The following DPYSL2 variants were observed in gnomAD, a reference collection of about 807,000 sequenced individuals.
DPYSL2 encodes dihydropyrimidinase like 2.
In DPYSL2, 13 loss-of-function variants were observed where a neutral mutation model predicts 69.9. The observed-to-expected ratio is 0.19, with a 90% confidence interval of 0.12 to 0.30. DPYSL2 has a LOEUF of 0.30. Ranked by LOEUF, DPYSL2 falls within the 10% of genes least tolerant of loss-of-function variation. DPYSL2 has a pLI of 1.00. For missense variants in DPYSL2, 587 were observed against 918.9 expected, an observed-to-expected ratio of 0.64 and a Z score of 4.67; for synonymous variants, 326 against 359.1, an observed-to-expected ratio of 0.91 and a Z score of 1.04.
intron 3 of DPYSL2, among the ~76,000 whole-genome samples, chr8:26,623,576 A>G (rs1802546777): frequency 6.6e-6 from 1 of 152,206 alleles, no homozygotes; most frequent in African/African-American, 2.4e-5. Context: ...CCATAGTAAT[A>G]TAACAATGAC....
At chr8:26,579,676 A>G (rs1801442125) in intron 1 of DPYSL2, among the ~76,000 whole-genome samples, 1 of 152,122 alleles carries the variant, frequency 6.6e-6, no homozygotes, top group South Asian at 2.1e-4. Flanking sequence ...ATTTTCTAGG[A>G]TGATCTGAAG....
intron 11 of DPYSL2, among the ~76,000 whole-genome samples, chr8:26,649,125 G>A (rs1803231404): frequency 6.6e-6 from 1 of 152,176 alleles, no homozygotes; most frequent in Non-Finnish European, 1.5e-5. Flanking sequence ...TAAAGGGACT[G>A]GTATTATTAT....
At chr8:26,638,273 A>T (rs2129954525) in intron 8 of DPYSL2, among the ~76,000 whole-genome samples, 1 of 152,332 alleles carries the variant, frequency 6.6e-6, no homozygotes, top group Non-Finnish European at 1.5e-5. Flanking sequence ...GGAGAGGTTG[A>T]GCCCAGAAGG....
chr8:26,616,547 G>A (rs1002078907), intron 3 of DPYSL2, among the ~76,000 whole-genome samples: 1 of 152,234 alleles, frequency 6.6e-6, no homozygotes, highest in African/African-American at 2.4e-5. Flanking sequence ...GAATGGTGCT[G>A]GAGAATGAGG....
At position 26,533,882 on chromosome 8, in the gene DPYSL2, A is replaced by C. The variant is rs1467401053; in HGVS notation, c.354+19203A>C. Among the ~76,000 whole-genome samples, 1 of 152,200 alleles carries C rather than the reference A, an allele frequency of 6.6e-6. No homozygotes were observed. Among genetic ancestry groups the C allele is most frequent in the East Asian group, 1.9e-4 (1 of 5,186 alleles). ...AACCCAGTGACAGCCTAGTGACAAG[A>C]GGGTCTTAATTAATGCAACTGAAAA... On this transcript the variant is annotated intron_variant, in intron 1 of 13. Coordinates refer to ENST00000521913, the MANE Select transcript of DPYSL2 (RefSeq NM_001197293.3). The surrounding 1 kb of genome is among the most constrained non-coding windows in gnomAD (Gnocchi z 4.8).
intron 8 of DPYSL2, among the ~76,000 whole-genome samples, chr8:26,635,829 G>A (rs1345542658): frequency 3.3e-5 from 5 of 151,960 alleles, no homozygotes; most frequent in Non-Finnish European, 7.4e-5. Context: ...CAGTCCCTCT[G>A]TCATTCTCTC....
chr8:26,618,922 C>T (rs952453693), intron 3 of DPYSL2, among the ~76,000 whole-genome samples: 5 of 152,022 alleles, frequency 3.3e-5, no homozygotes, highest in African/African-American at 1.2e-4. Flanking sequence ...CGCGCCACTG[C>T]ACTCCAGCCT....
In DPYSL2 at chr8:26,627,843, C is replaced by T. The variant is rs1410600106; in HGVS notation, c.937-29C>T. 6 of 1,611,368 alleles carry T rather than the reference C, an allele frequency of 3.7e-6. No homozygotes were observed. Among genetic ancestry groups the T allele is most frequent in the Middle Eastern group, 1.8e-4 (1 of 5,580 alleles). ...GAGCTGTGCAAAATCCACTCTCCCTCACAGCCTGACTTTCTCTAAACATTG... is the reference window on the plus strand; with the variant it reads ...GAGCTGTGCAAAATCCACTCTCCCTTACAGCCTGACTTTCTCTAAACATTG... On this transcript the variant is annotated intron_variant, in intron 6 of 13. Transcript: ENST00000521913. The surrounding 1 kb of genome is among the most constrained non-coding windows in gnomAD (Gnocchi z 6.9).
intron 1 of DPYSL2, among the ~76,000 whole-genome samples, chr8:26,558,391 C>T (rs1801022885): frequency 6.6e-6 from 1 of 152,144 alleles, no homozygotes; most frequent in African/African-American, 2.4e-5. Context: ...GCAAAGGAGT[C>T]ACTAAAAAGA....
intron 1 of DPYSL2, among the ~76,000 whole-genome samples, chr8:26,537,621 C>CACACACACACACACACAT (rs1387754863): frequency 6.6e-6 from 1 of 151,846 alleles, no homozygotes; most frequent in Non-Finnish European, 1.5e-5. Context: ...TACACACACA[C>CACACACACACACACACAT]ACACACACAC....
intron 1 of DPYSL2, among the ~76,000 whole-genome samples, chr8:26,544,558 A>G (rs991344431): frequency 1.3e-5 from 2 of 152,252 alleles, no homozygotes; most frequent in Non-Finnish European, 2.9e-5. Context: ...TAAGCTACAC[A>G]TGTAACAACG....
intron 1 of DPYSL2, chr8:26,578,560 T>G: frequency 7.3e-7 from 1 of 1,370,528 alleles, no homozygotes; most frequent in Admixed American, 3.3e-5. Flanking sequence ...GGTCTATCTT[T>G]TATTGTCAGT....
intron 1 of DPYSL2, among the ~76,000 whole-genome samples, chr8:26,537,217 G>A (rs1800605863): frequency 6.6e-6 from 1 of 152,056 alleles, no homozygotes; most frequent in Non-Finnish European, 1.5e-5. Flanking sequence ...AAATATTTGG[G>A]TAATGAAATC....
In DPYSL2 at chr8:26,597,570, G is replaced by C. The variant is rs1233744703; in HGVS notation, c.628+13587G>C. ...GCTCACTGCAAGCTCCGCCTCCCAG[G>C]TTCACGCCATTCTCCTGCCTCAGCC... On this transcript the variant is annotated intron_variant, in intron 3 of 13. Transcript: ENST00000521913. The surrounding 1 kb of genome is among the most constrained non-coding windows in gnomAD (Gnocchi z 5.2). Among the ~76,000 whole-genome samples the C allele has an allele frequency of 6.6e-6, 1 of 152,016 alleles. No individual in the cohort carries two copies. Among genetic ancestry groups the C allele is most frequent in the Non-Finnish European group, 1.5e-5 (1 of 68,006 alleles).
intron 8 of DPYSL2, among the ~76,000 whole-genome samples, chr8:26,636,958 T>G (rs1383682426): frequency 6.6e-6 from 1 of 152,098 alleles, no homozygotes; most frequent in Non-Finnish European, 1.5e-5. Flanking sequence ...ACCAGGCTGG[T>G]CTGGAACTCC....
chr8:26,601,544 A>G (rs1040895210), intron 3 of DPYSL2, among the ~76,000 whole-genome samples: 1 of 151,910 alleles, frequency 6.6e-6, no homozygotes, highest in Non-Finnish European at 1.5e-5. Context: ...TGCCCGGCTA[A>G]TTTTTTGTAT....
chr8:26,600,498 G>A (rs745798495), intron 3 of DPYSL2, among the ~76,000 whole-genome samples: 44 of 152,210 alleles, frequency 2.9e-4, no homozygotes, highest in Admixed American at 2.0e-4. Flanking sequence ...GCGAGTGGGT[G>A]TTAGGTGCTG....
intron 1 of DPYSL2, among the ~76,000 whole-genome samples, chr8:26,542,704 G>A (rs1221290874): frequency 3.3e-5 from 5 of 152,106 alleles, no homozygotes; most frequent in Non-Finnish European, 5.9e-5. Flanking sequence ...GGGATTACAG[G>A]AGTGAGCTAC....
rs985744096 is a variant in DPYSL2 at position 26,609,659 on chromosome 8, C to T, written c.629-14484C>T. Among the ~76,000 whole-genome samples, 5 of 152,172 alleles carry T rather than the reference C, an allele frequency of 3.3e-5. No homozygotes were observed. Among genetic ancestry groups the T allele is most frequent in the South Asian group, 2.1e-4 (1 of 4,832 alleles). On this transcript the variant is annotated intron_variant, in intron 3 of 13. Transcript: ENST00000521913. This position sits in a 1 kb window ranked among gnomAD's most constrained non-coding sequence, Gnocchi z 6.5. The stretch of plus-strand genomic sequence containing the variant: ...TCTCTGGCCACCTCATCGGGCTGGA[C>T]GCTGCCGGCTGCCACCCGTCGCTGA...
Sources: allele counts gnomAD v4.1 joint callset (sites outside exome capture counted in the v4.1 genomes callset), GRCh38; gene constraint gnomAD v4.1.1; non-coding constraint Gnocchi (gnomAD v3.1); transcripts MANE v1.5; gene names NCBI Gene and HGNC (gene_info 2026-07-23, HGNC 2026-07-21).